SEMA5A: variants seen among roughly 807,000 people sequenced by gnomAD.
SEMA5A encodes semaphorin 5A.
SEMA5A carries 55 observed loss-of-function variants against 135.5 expected under a neutral mutation model. That is an observed-to-expected ratio of 0.41 (90% confidence interval 0.33 to 0.51). The LOEUF is 0.51. Ranked by LOEUF, SEMA5A falls within the 20% of genes least tolerant of loss-of-function variation. The pLI is 0.37. For missense variants in SEMA5A, 1,290 were observed against 1,419.9 expected (o/e 0.91, Z 1.47); for synonymous variants, 580 against 546.5 (o/e 1.06, Z -0.85).
At chr5:9,487,925 T>C (rs558940606) in intron 1 of SEMA5A, among the ~76,000 whole-genome samples, 2 of 152,302 alleles carry the variant, frequency 1.3e-5, no homozygotes, top group East Asian at 3.9e-4. Flanking sequence ...CTAATACTTA[T>C]AATTGGTCAT....
At chr5:9,508,579 A>T (rs903647189) in intron 1 of SEMA5A, among the ~76,000 whole-genome samples, 1 of 152,100 alleles carries the variant, frequency 6.6e-6, no homozygotes, top group Non-Finnish European at 1.5e-5. Flanking sequence ...TCCTTTCAAC[A>T]TGCAGCTCCC....
In SEMA5A at chr5:9,532,546, C is replaced by T. The variant is rs555898715; in HGVS notation, c.-175+13038G>A. ...CAGGTGGTCCACCCACCTCGGCCTCCCAAAGTGCTGGGATTACAGGCATGA... is the reference window on the plus strand; with the variant it reads ...CAGGTGGTCCACCCACCTCGGCCTCTCAAAGTGCTGGGATTACAGGCATGA... On this transcript the variant is annotated intron_variant, in intron 1 of 22. Coordinates refer to ENST00000382496, the MANE Select transcript of SEMA5A (RefSeq NM_003966.3). Among the ~76,000 whole-genome samples the T allele has an allele frequency of 2.1e-3, 315 of 151,840 alleles. 1 individual carries two copies. The South Asian group carries it at 0.033, about 16-fold the overall frequency.
chr5:9,200,851 T>G (rs750855387), intron 9 of SEMA5A, among the ~76,000 whole-genome samples: 12 of 152,094 alleles, frequency 7.9e-5, no homozygotes, highest in Non-Finnish European at 1.0e-4. Flanking sequence ...AAAAGTAAAT[T>G]AAAATACTTA....
chr5:9,207,103 T>TAC (rs1746067389), intron 8 of SEMA5A, among the ~76,000 whole-genome samples: 1 of 5,078 alleles, frequency 2.0e-4, no homozygotes, highest in Non-Finnish European at 3.4e-4. Context: ...TGATCAAGTG[T>TAC]ATATATATAT....
chr5:9,155,231 C>A (rs1166654861), intron 11 of SEMA5A, among the ~76,000 whole-genome samples: 1 of 152,150 alleles, frequency 6.6e-6, no homozygotes, highest in African/African-American at 2.4e-5. Context: ...TCCTTCTTTC[C>A]TCCTAGTGCT....
chr5:9,066,665 C>A lies in SEMA5A; in HGVS notation c.2074-19G>T. 1 of 1,609,538 alleles carries A rather than the reference C, an allele frequency of 6.2e-7. No homozygotes were observed. The highest frequency in any genetic ancestry group is 8.5e-7 in the Non-Finnish European group (1 of 1,176,714). On this transcript the variant is annotated intron_variant, in intron 16 of 22. Coordinates refer to ENST00000382496, the MANE Select transcript of SEMA5A (RefSeq NM_003966.3). The stretch of plus-strand genomic sequence containing the variant: ...GGTACTCCTGGGGAGAATGCGCAGA[C>A]GAGTGTTACTATACGGGGTAAACAG...
intron 5 of SEMA5A, among the ~76,000 whole-genome samples, chr5:9,241,325 CTCT>C (rs1748183485): frequency 6.6e-6 from 1 of 152,006 alleles, no homozygotes; most frequent in African/African-American, 2.4e-5. Flanking sequence ...ACAGAAGACA[CTCT>C]TCTATGTGAC....
chr5:9,279,646 A>C (rs1263814822), intron 5 of SEMA5A, among the ~76,000 whole-genome samples: 1 of 152,174 alleles, frequency 6.6e-6, no homozygotes, highest in Non-Finnish European at 1.5e-5. Context: ...TGATTGGATC[A>C]CAGGGGCAGA....
intron 16 of SEMA5A, among the ~76,000 whole-genome samples, chr5:9,094,938 C>T (rs571411069): frequency 3.3e-5 from 5 of 151,734 alleles, no homozygotes; most frequent in South Asian, 4.2e-4. Flanking sequence ...TAGAACCTCA[C>T]GAGATTCTGC....
chr5:9,263,988 G>T (rs1749545295), intron 5 of SEMA5A, among the ~76,000 whole-genome samples: 2 of 152,078 alleles, frequency 1.3e-5, no homozygotes, highest in African/African-American at 4.8e-5. Context: ...TAGTTTTGTT[G>T]TTGCCATTAA....
chr5:9,316,457 G>A (rs182334129), intron 5 of SEMA5A, among the ~76,000 whole-genome samples: 232 of 152,218 alleles, frequency 1.5e-3, no homozygotes, highest in Middle Eastern at 3.4e-3. Flanking sequence ...AAATGAATGC[G>A]TATATGTAAA....
rs971834819 is a variant in SEMA5A, at chr5:9,119,221, C to T, written c.1782-80G>A. On this transcript the variant is annotated intron_variant, in intron 14 of 22. Coordinates refer to ENST00000382496, the MANE Select transcript of SEMA5A (RefSeq NM_003966.3). ...CCTGTCTGCACCCACGGCCAAATGC[C>T]TGTGTTCCTCAGGAGGATCACGCTT... 17 of 1,532,954 alleles carry T rather than the reference C, an allele frequency of 1.1e-5. No individual in the cohort carries two copies. The Admixed American group carries it at 1.5e-4, about 14-fold the overall frequency. The allele number at this position is 1,532,954 out of a possible 1,614,324, so 95.0% of individuals were successfully genotyped here.
At chr5:9,442,546 T>G (rs1410134283) in intron 1 of SEMA5A, among the ~76,000 whole-genome samples, 1 of 152,136 alleles carries the variant, frequency 6.6e-6, no homozygotes, top group Non-Finnish European at 1.5e-5. Flanking sequence ...TTAGAGTTCT[T>G]CATGTAAATC....
At position 9,055,895 on chromosome 5, in the gene SEMA5A, C is replaced by A. The variant is rs1311427708; in HGVS notation, c.2519-1638G>T. ...TTTAAAAATTAAAAAAAAAAAAAAGCTCTCTCCCATATCTATTCTCACTGA... is the reference window on the plus strand; with the variant it reads ...TTTAAAAATTAAAAAAAAAAAAAAGATCTCTCCCATATCTATTCTCACTGA... On this transcript the variant is annotated intron_variant, in intron 18 of 22. Transcript: ENST00000382496. Among the ~76,000 whole-genome samples, 5 of 149,850 alleles carry A rather than the reference C, an allele frequency of 3.3e-5. No homozygotes were observed. In the South Asian group the frequency reaches 1.1e-3, roughly 32 times the overall value.
chr5:9,357,710 C>T (rs892330014), intron 3 of SEMA5A, among the ~76,000 whole-genome samples: 1 of 152,130 alleles, frequency 6.6e-6, no homozygotes, highest in Non-Finnish European at 1.5e-5. Flanking sequence ...CTGGTAACAT[C>T]AAGGCGGGAA....
At chr5:9,228,669 C>T (rs1422730599) in intron 6 of SEMA5A, among the ~76,000 whole-genome samples, 1 of 152,250 alleles carries the variant, frequency 6.6e-6, no homozygotes, top group Non-Finnish European at 1.5e-5. Flanking sequence ...AACTCAGGCT[C>T]TTGTCATTTC....
intron 2 of SEMA5A, among the ~76,000 whole-genome samples, chr5:9,411,277 T>G (rs1357778156): frequency 6.6e-6 from 1 of 152,238 alleles, no homozygotes; most frequent in Non-Finnish European, 1.5e-5. Context: ...GCTCAGCCAC[T>G]GGGCTCAAGT....
chr5:9,097,424 G>A (rs920892154), intron 16 of SEMA5A, among the ~76,000 whole-genome samples: 9 of 152,168 alleles, frequency 5.9e-5, no homozygotes, highest in Admixed American at 5.9e-4. Context: ...TGAAGACCAC[G>A]CCATAAGCAG....
intron 1 of SEMA5A, among the ~76,000 whole-genome samples, chr5:9,447,797 G>A (rs971341190): frequency 1.8e-4 from 27 of 152,192 alleles, no homozygotes; most frequent in Non-Finnish European, 1.5e-5. Context: ...GTGGGGGAAT[G>A]TAATGACTTA....
Sources: allele counts gnomAD v4.1 joint callset (sites outside exome capture counted in the v4.1 genomes callset), GRCh38; gene constraint gnomAD v4.1.1; transcripts MANE v1.5; gene names NCBI Gene and HGNC (gene_info 2026-07-23, HGNC 2026-07-21).